Variants in SPIDR observed in about 807,000 individuals in gnomAD.
SPIDR encodes the protein DNA repair-scaffolding protein.
A neutral mutation model predicts 104.6 loss-of-function variants in SPIDR; 93 were observed. That is an observed-to-expected ratio of 0.89 (90% CI 0.75 to 1.06). The LOEUF is 1.06. Among genes scored for constraint, SPIDR ranks in the 50% least tolerant of loss-of-function variants. The pLI, the probability that SPIDR is intolerant of heterozygous loss-of-function variation, is 0.00. For missense variants in SPIDR, 1,154 were observed against 1,111.2 expected (o/e 1.04, Z -0.55); for synonymous variants, 431 against 416.9 (o/e 1.03, Z -0.41).
At chr8:47,519,829 CA>C (rs1241296434) in intron 8 of SPIDR, among the ~76,000 whole-genome samples, 5 of 151,200 alleles carry the variant, frequency 3.3e-5, no homozygotes, top group East Asian at 3.9e-4. Context: ...AACAAGTTTC[CA>C]AAAAAAATAA....
intron 16 of SPIDR, among the ~76,000 whole-genome samples, chr8:47,715,125 GT>G (rs1291628532): frequency 1.3e-5 from 2 of 151,544 alleles, no homozygotes; most frequent in East Asian, 3.9e-4. Flanking sequence ...CCAATCTACT[GT>G]TTGCTTCTAT....
chr8:47,484,001 G>C (rs539117129), intron 8 of SPIDR, among the ~76,000 whole-genome samples: 1 of 151,818 alleles, frequency 6.6e-6, no homozygotes, highest in Non-Finnish European at 1.5e-5. Context: ...AAAAAATGTC[G>C]ATGCATCTTT....
At chr8:47,296,363 C>G (rs1222117446) in intron 5 of SPIDR, among the ~76,000 whole-genome samples, 1 of 152,026 alleles carries the variant, frequency 6.6e-6, no homozygotes, top group Non-Finnish European at 1.5e-5. Flanking sequence ...GGAGCATTTT[C>G]CCTATGTTTT....
At chr8:47,441,147 C>T (rs565834288) in intron 8 of SPIDR, among the ~76,000 whole-genome samples, 10 of 152,154 alleles carry the variant, frequency 6.6e-5, no homozygotes, top group African/African-American at 2.4e-4. Context: ...TATAAGTTTT[C>T]ATTTTGTATG....
Position 47,512,610 on chromosome 8 carries a change from G to A in SPIDR, c.1097+72068G>A, listed in dbSNP as rs567547877. Among the ~76,000 whole-genome samples the A allele has an allele frequency of 3.9e-5, 6 of 152,268 alleles. No individual in the cohort carries two copies. In the South Asian group the frequency reaches 8.3e-4, roughly 21 times the overall value. ...GGAGCTTCCCGACAGCCCTGACCAC[G>A]GAGAGGTGGAATGTGGCGCTGACGT... On this transcript the variant is annotated intron_variant, in intron 8 of 19. Transcript: ENST00000297423.
chr8:47,596,035 T>A, intron 9 of SPIDR, 29 bp downstream of exon 9: 1 of 1,576,522 alleles, frequency 6.3e-7, no homozygotes, highest in Non-Finnish European at 8.6e-7. Context: ...AAAGGTTTTA[T>A]GCTTGTAATA....
At chr8:47,665,797 T>A (rs1434054319) in intron 10 of SPIDR, among the ~76,000 whole-genome samples, 1 of 152,208 alleles carries the variant, frequency 6.6e-6, no homozygotes, top group Non-Finnish European at 1.5e-5. Context: ...TTGAACACAG[T>A]AGTAATTATG....
intron 8 of SPIDR, among the ~76,000 whole-genome samples, chr8:47,451,662 T>A (rs1821951454): frequency 6.6e-6 from 1 of 151,234 alleles, no homozygotes; most frequent in African/African-American, 2.4e-5. Flanking sequence ...TCATTGAACT[T>A]GAAGAAAAGA....
rs540308421 is a variant in SPIDR, at chr8:47,321,304, A to G, written c.525+27274A>G. 1.5e-4 allele frequency among the ~76,000 whole-genome samples: 22 copies of G among 141,998 alleles called. No individual in the cohort carries two copies. The South Asian group carries it at 2.8e-3, about 18-fold the overall frequency. 93.2% of individuals were successfully genotyped at this position (141,998 alleles called of 152,430 possible). ...AAGCATTCTTATACACCAATAACAG[A>G]GAAAGAGAGAGCCAAATTATGAGTG... On this transcript the variant is annotated intron_variant, in intron 5 of 19. Coordinates refer to ENST00000297423, the MANE Select transcript of SPIDR (RefSeq NM_001080394.4).
intron 16 of SPIDR, among the ~76,000 whole-genome samples, chr8:47,724,835 G>A (rs1456257117): frequency 6.6e-6 from 1 of 152,178 alleles, no homozygotes; most frequent in Non-Finnish European, 1.5e-5. Flanking sequence ...TTCTCCCTGA[G>A]TGGCAGCTCT....
chr8:47,341,480 G>C (rs1380276295), intron 5 of SPIDR, among the ~76,000 whole-genome samples: 2 of 151,984 alleles, frequency 1.3e-5, no homozygotes, highest in African/African-American at 4.8e-5. Context: ...GAACTAAAAA[G>C]TATTCCACAC....
chr8:47,587,557 C>T (rs1564405428), intron 8 of SPIDR, among the ~76,000 whole-genome samples: 1 of 149,740 alleles, frequency 6.7e-6, no homozygotes. Flanking sequence ...TTGCTGTGAG[C>T]CGAGATGTTG....
chr8:47,288,828 A>G (rs2039360475), intron 3 of SPIDR, among the ~76,000 whole-genome samples: 1 of 152,188 alleles, frequency 6.6e-6, no homozygotes, highest in Admixed American at 6.5e-5. Context: ...GTGCCTTTGT[A>G]AGTACTGTTT....
chr8:47,571,164 G>C lies in SPIDR; in HGVS notation c.1098-24647G>C, dbSNP rs551696540. The stretch of plus-strand genomic sequence containing the variant: ...AGGGCTTGAGGGTGGGAGAAATGGA[G>C]AGATATTAGTTAAGGGGTCCAAACT... On this transcript the variant is annotated intron_variant, in intron 8 of 19. Transcript: ENST00000297423. 2.0e-5 allele frequency among the ~76,000 whole-genome samples: 3 copies of C among 152,252 alleles called. No individual in the cohort carries two copies. In the East Asian group the frequency reaches 5.8e-4, roughly 29 times the overall value.
chr8:47,650,117 G>T (rs1304542460), intron 10 of SPIDR, among the ~76,000 whole-genome samples: 2 of 152,098 alleles, frequency 1.3e-5, no homozygotes, highest in African/African-American at 2.4e-5. Flanking sequence ...GAACAATCAG[G>T]CTACAGAATT....
chr8:47,356,653 T>C (rs1175912758), intron 5 of SPIDR, among the ~76,000 whole-genome samples: 2 of 152,234 alleles, frequency 1.3e-5, no homozygotes, highest in Non-Finnish European at 2.9e-5. Flanking sequence ...TATGTGGCTA[T>C]GATTGTATAA....
chr8:47,585,220 A>T (rs2060141986), intron 8 of SPIDR, among the ~76,000 whole-genome samples: 1 of 152,180 alleles, frequency 6.6e-6, no homozygotes, highest in Admixed American at 6.5e-5. Context: ...GAGTACTAGA[A>T]ATTTTGCATA....
Position 47,728,973 on chromosome 8 carries a change from TCTC to T in SPIDR, c.2479_2481del (p.Pro827del), listed in dbSNP as rs1156891557. The T allele has an allele frequency of 5.6e-6, 9 of 1,613,726 alleles. No individual in the cohort carries two copies. The Admixed American group carries it at 1.2e-4, about 21-fold the overall frequency. On this transcript the variant is annotated inframe_deletion, in exon 18 of 20. Transcript: ENST00000297423. ...TGGGGACTGCTCCCGGGTGGTCACATCTCCTGTTCTCAAGAGGCACCTGCAGGT... is the reference window on the plus strand; with the variant it reads ...TGGGGACTGCTCCCGGGTGGTCACATCTGTTCTCAAGAGGCACCTGCAGGT...
chr8:47,297,497 T>C (rs1211466902), intron 5 of SPIDR, among the ~76,000 whole-genome samples: 2 of 152,160 alleles, frequency 1.3e-5, no homozygotes, highest in South Asian at 2.1e-4. Context: ...AGGGTACATG[T>C]GCAAAACGTG....
Sources: gnomAD v4.1 joint callset for allele counts (sites outside exome capture counted in the v4.1 genomes callset) on GRCh38, gnomAD v4.1.1 for gene constraint, MANE v1.5 for transcripts, NCBI Gene and HGNC (gene_info 2026-07-23, HGNC 2026-07-21) for gene names.